RIC1: variants seen among roughly 807,000 people sequenced by gnomAD.
The protein encoded by RIC1 is RIC1 partner of RAB6A GEF complex, also known as guanine nucleotide exchange factor subunit RIC1.
RIC1 carries 88 observed loss-of-function variants against 169.0 expected under a neutral mutation model. The observed-to-expected ratio is 0.52, with a 90% confidence interval of 0.44 to 0.62. The LOEUF is 0.62. Among genes scored for constraint, RIC1 ranks in the 20% least tolerant of loss-of-function variants. RIC1 has a pLI of 0.00. For synonymous variants in RIC1, 790 were observed against 601.5 expected, an observed-to-expected ratio of 1.31 and a Z score of -4.59; for missense variants, 1,877 against 1,725.5, an observed-to-expected ratio of 1.09 and a Z score of -1.56.
chr9:5,741,181 G>A (rs1825063069), intron 8 of RIC1, among the ~76,000 whole-genome samples: 1 of 152,140 alleles, frequency 6.6e-6, no homozygotes, highest in South Asian at 2.1e-4. Flanking sequence ...GATTTCCATT[G>A]CAGCTATTGA....
chr9:5,693,034 T>C (rs1447540120), intron 3 of RIC1, among the ~76,000 whole-genome samples: 2 of 152,088 alleles, frequency 1.3e-5, no homozygotes, highest in East Asian at 1.9e-4. Context: ...ATCAGTAATA[T>C]ACTGTCTCAA....
intron 12 of RIC1, among the ~76,000 whole-genome samples, chr9:5,751,203 A>C (rs192226529): frequency 6.6e-6 from 1 of 151,786 alleles, no homozygotes; most frequent in Non-Finnish European, 1.5e-5. Flanking sequence ...AGTGCAATGG[A>C]TGATTGACAC....
intron 6 of RIC1, 69 bp from the exon 7 acceptor site, chr9:5,732,319 A>G: frequency 8.7e-7 from 1 of 1,155,786 alleles, no homozygotes; most frequent in Non-Finnish European, 1.3e-6. Flanking sequence ...TTATTGAAGG[A>G]GAATTATATT....
At chr9:5,756,067 C>T (rs7030124) in intron 15 of RIC1, 145 bp from the exon 16 acceptor site, 172,772 of 428,654 alleles carry the variant, frequency 0.4, 36,216 homozygotes, top group East Asian at 0.61. Context: ...AATCCATTTA[C>T]TGTTAAAGCT....
In RIC1 at chr9:5,629,194, G is replaced by A. The variant is rs543166758; in HGVS notation, c.-116G>A. 366 of 1,104,672 alleles carry A rather than the reference G, an allele frequency of 3.3e-4. 2 individuals are homozygous for A. The highest frequency in any genetic ancestry group is 1.8e-3 in the African/African-American group (108 of 60,782). The allele number at this position is 1,104,672 out of a possible 1,614,324, so 68.4% of individuals were successfully genotyped here. A position where few individuals can be genotyped will look rare whatever the true frequency, so the allele number is the denominator to read the frequency against. On this transcript the variant is annotated 5_prime_UTR_variant, in exon 1 of 26. Transcript: ENST00000414202. ...CCAGGCCAGCGGGCAGATGCCCCGA[G>A]CTGCCGCCGCCGCCGCCGCCGACTC...
At chr9:5,681,101 C>T (rs1033047494) in intron 2 of RIC1, among the ~76,000 whole-genome samples, 3 of 152,064 alleles carry the variant, frequency 2.0e-5, no homozygotes, top group African/African-American at 4.8e-5. Flanking sequence ...GCTGGGATTA[C>T]AGGCGTGAGC....
At chr9:5,740,372 C>T (rs932446121) in intron 8 of RIC1, among the ~76,000 whole-genome samples, 1 of 152,000 alleles carries the variant, frequency 6.6e-6, no homozygotes, top group Non-Finnish European at 1.5e-5. Context: ...GAAGGAACTC[C>T]ATCCTTAATA....
intron 8 of RIC1, among the ~76,000 whole-genome samples, chr9:5,742,308 G>A (rs1030243219): frequency 3.3e-5 from 5 of 152,062 alleles, no homozygotes; most frequent in African/African-American, 1.2e-4. Flanking sequence ...TCCAGGGTTT[G>A]GCAGAAAAAT....
chr9:5,732,107 G>C (rs1396816654), intron 6 of RIC1, among the ~76,000 whole-genome samples: 2 of 152,192 alleles, frequency 1.3e-5, no homozygotes, highest in Non-Finnish European at 2.9e-5. Context: ...TGAATTTGGA[G>C]ATGAATTTCC....
At chr9:5,769,362 C>T in intron 22 of RIC1, 106 bp downstream of exon 22, 1 of 1,610,118 alleles carries the variant, frequency 6.2e-7, no homozygotes, top group South Asian at 1.1e-5. Flanking sequence ...TCATTCCAAA[C>T]TTAGGAATGG....
downstream of RIC1, among the ~76,000 whole-genome samples, chr9:5,777,799 T>C (rs887630479): frequency 6.6e-6 from 1 of 152,194 alleles, no homozygotes; most frequent in African/African-American, 2.4e-5. Flanking sequence ...GGTTTATTTA[T>C]AGATTCTTAA....
intron 2 of RIC1, among the ~76,000 whole-genome samples, chr9:5,684,111 G>T (rs988203886): frequency 3.3e-5 from 5 of 152,026 alleles, no homozygotes; most frequent in Non-Finnish European, 5.9e-5. Flanking sequence ...GTGATGCCTT[G>T]CCCTGCTTCA....
Position 5,702,319 on chromosome 9 carries a change from A to G in RIC1, c.333-11577A>G, listed in dbSNP as rs552957561. Among the ~76,000 whole-genome samples, 3 of 152,246 alleles carry G rather than the reference A, an allele frequency of 2.0e-5. 1 individual carries two copies. The highest frequency in any genetic ancestry group is 2.1e-4 in the South Asian group (1 of 4,816). On this transcript the variant is annotated intron_variant, in intron 3 of 25. Transcript: ENST00000414202. ...TCACACTGCCATAAATAAACACCTA[A>G]GACTGGGTAATTTATAAAGAAAAGA...
Position 5,775,531 on chromosome 9 carries a change from C to T in RIC1, c.*1285C>T, listed in dbSNP as rs1231212500. On this transcript the variant is annotated 3_prime_UTR_variant, in exon 26 of 26. Coordinates refer to ENST00000414202, the MANE Select transcript of RIC1 (RefSeq NM_020829.4). Reference sequence around the variant, plus strand: ...ACAAACTTGTTTATTTTTATAATAACGATGTATTTGATGTGGACCAAATTC... The same window carrying T: ...ACAAACTTGTTTATTTTTATAATAATGATGTATTTGATGTGGACCAAATTC... The T allele has an allele frequency of 1.3e-5, 2 of 152,054 alleles. No individual in the cohort carries two copies. Among genetic ancestry groups the T allele is most frequent in the African/African-American group, 4.8e-5 (2 of 41,404 alleles). 9.4% of individuals were successfully genotyped at this position (152,054 alleles called of 1,614,324 possible).
rs59648906 is a variant in RIC1 at position 5,673,535 on chromosome 9, GATAT to G, written c.253-16404_253-16401del. Among the ~76,000 whole-genome samples, 87 of 119,296 alleles carry G rather than the reference GATAT, an allele frequency of 7.3e-4. 2 individuals carry two copies. Among genetic ancestry groups the G allele is most frequent in the African/African-American group, 2.7e-3 (75 of 27,590 alleles). 78.3% of individuals were successfully genotyped at this position (119,296 alleles called of 152,430 possible). ...ATATATATGCACCAAAACATAAGGAGATATATATATATATATATATATAAATAAA... is the reference window on the plus strand; with the variant it reads ...ATATATATGCACCAAAACATAAGGAGATATATATATATATATATAAATAAA... On this transcript the variant is annotated intron_variant, in intron 2 of 25. Coordinates refer to ENST00000414202, the MANE Select transcript of RIC1 (RefSeq NM_020829.4).
chr9:5,670,408 G>C (rs934644959), intron 2 of RIC1, among the ~76,000 whole-genome samples: 2 of 152,186 alleles, frequency 1.3e-5, no homozygotes, highest in East Asian at 3.8e-4. Flanking sequence ...ATTTTAATCA[G>C]TCTAGGCCTT....
At chr9:5,657,273 T>G (rs1819157715) in intron 2 of RIC1, among the ~76,000 whole-genome samples, 2 of 152,204 alleles carry the variant, frequency 1.3e-5, no homozygotes, top group African/African-American at 2.4e-5. Flanking sequence ...TTTTTTCTTC[T>G]GTTCTATTAA....
rs371017621 is a variant in RIC1 at position 5,656,706 on chromosome 9, C to T, written c.252+16C>T. 144 of 1,366,898 alleles carry T rather than the reference C, an allele frequency of 1.1e-4. 1 individual carries two copies. Among genetic ancestry groups the T allele is most frequent in the African/African-American group, 7.8e-4 (54 of 68,892 alleles). The allele number at this position is 1,366,898 out of a possible 1,614,324, so 84.7% of individuals were successfully genotyped here. ...AGCTGTATCAGTAAGTAGATTTTAC[C>T]GCTAAATAGTGTTTTCTTATGAAAT... On this transcript the variant is annotated intron_variant, in intron 2 of 25. Transcript: ENST00000414202.
At chr9:5,657,405 C>G (rs1819165569) in intron 2 of RIC1, among the ~76,000 whole-genome samples, 1 of 152,062 alleles carries the variant, frequency 6.6e-6, no homozygotes, top group African/African-American at 2.4e-5. Flanking sequence ...TATTGAGCAC[C>G]TCCTATCCGA....
Sources: allele counts gnomAD v4.1 joint callset (sites outside exome capture counted in the v4.1 genomes callset), GRCh38; gene constraint gnomAD v4.1.1; transcripts MANE v1.5; gene names NCBI Gene and HGNC (gene_info 2026-07-23, HGNC 2026-07-21).